LBHD2: variants seen among roughly 807,000 people sequenced by gnomAD.
LBHD2 encodes the protein LBH domain-containing protein 2.
At chr14:103,085,208 G>A (rs1386410999) in intron 1 of LBHD2, among the ~76,000 whole-genome samples, 1 of 152,038 alleles carries the variant, frequency 6.6e-6, no homozygotes, top group African/African-American at 2.4e-5. Flanking sequence ...CCACTGCCTT[G>A]TCCCCTTCCT....
At chr14:103,089,206 G>A (rs1465920162) in intron 3 of LBHD2, among the ~76,000 whole-genome samples, 3 of 152,094 alleles carry the variant, frequency 2.0e-5, no homozygotes, top group Admixed American at 6.5e-5. Context: ...TCCCTGAGGA[G>A]GAAGTGAATT....
In LBHD2 at chr14:103,088,150, G is replaced by A; in HGVS notation, c.135G>A (p.Glu45=). 1 of 398,706 alleles carries A rather than the reference G, an allele frequency of 2.5e-6. No individual in the cohort carries two copies. The highest frequency in any genetic ancestry group is 4.4e-6 in the Non-Finnish European group (1 of 226,120). 24.7% of individuals were successfully genotyped at this position (398,706 alleles called of 1,614,324 possible). ...LGQRLPSIVV[E]PSEADPVESG... is the part of the protein sequence containing the mutation. ...AGCGGCTGCCCTCAATCGTGGTGGA[G>A]CCCAGCGAGGCGGACCCTGTGGAAA... The change falls in exon 3 of 4, where the codon GAG becomes GAA. Residue 45 remains glutamate, a synonymous_variant. Transcript: ENST00000634353.
chr14:103,088,596 C>T (rs1032203809), intron 3 of LBHD2, among the ~76,000 whole-genome samples: 1 of 152,230 alleles, frequency 6.6e-6, no homozygotes, highest in East Asian at 1.9e-4. Context: ...GCAAGTGTGC[C>T]TTGCTCACTA....
intron 2 of LBHD2, among the ~76,000 whole-genome samples, chr14:103,087,307 TG>T (rs1336947098): frequency 6.6e-6 from 1 of 152,214 alleles, no homozygotes; most frequent in Non-Finnish European, 1.5e-5. Flanking sequence ...CCCTGCTGCG[TG>T]GCTGTCCTTC....
Position 103,086,366 on chromosome 14 carries a change from T to C in LBHD2, c.69+285T>C, listed in dbSNP as rs1457925559. 2.0e-5 allele frequency among the ~76,000 whole-genome samples: 3 copies of C among 152,296 alleles called. No individual in the cohort carries two copies. The East Asian group carries it at 5.8e-4, about 29-fold the overall frequency. The stretch of plus-strand genomic sequence containing the variant: ...AGCTGGGATTACAGGTGCCCACCAC[T>C]ATGCCCAGTTAATTTTTGTATTTTT... On this transcript the variant is annotated intron_variant, in intron 2 of 3. Coordinates refer to ENST00000634353, the MANE Select transcript of LBHD2 (RefSeq NM_001330236.2).
intron 2 of LBHD2, among the ~76,000 whole-genome samples, chr14:103,086,628 C>G (rs1338746243): frequency 6.6e-5 from 10 of 152,152 alleles, no homozygotes; most frequent in Non-Finnish European, 8.8e-5. Flanking sequence ...GCACGCTTTG[C>G]TCTCTGCTGA....
chr14:103,087,765 C>T (rs1173959534), intron 2 of LBHD2, among the ~76,000 whole-genome samples: 1 of 152,188 alleles, frequency 6.6e-6, no homozygotes, highest in Non-Finnish European at 1.5e-5. Context: ...GGGCTCATTC[C>T]TGGTGACCTT....
rs530847900 is a variant in LBHD2, at chr14:103,086,744, G to T, written c.69+663G>T. 2.0e-5 allele frequency among the ~76,000 whole-genome samples: 3 copies of T among 152,116 alleles called. No individual in the cohort carries two copies. The East Asian group carries it at 5.8e-4, about 29-fold the overall frequency. On this transcript the variant is annotated intron_variant, in intron 2 of 3. Transcript: ENST00000634353. The stretch of plus-strand genomic sequence containing the variant: ...AAAAACAAGCTCCCTACACAGGGTC[G>T]CAGCCTTAGTATTCTGAGTGCTAGA...
chr14:103,088,985 C>T (rs1348894398), intron 3 of LBHD2, among the ~76,000 whole-genome samples: 1 of 152,210 alleles, frequency 6.6e-6, no homozygotes, highest in Admixed American at 6.5e-5. Context: ...TAGAGTGAGA[C>T]TCCATCTCAA....
chr14:103,084,350 G>A lies in LBHD2; in HGVS notation c.-38+3G>A, dbSNP rs1307960905. On this transcript the variant is annotated splice_donor_region_variant and intron_variant, in intron 1 of 3. Transcript: ENST00000634353. ...CCCGGGAGCGCCCTGACGGCTAGGT[G>A]CGGGGTGGTTGGGAGCGGGAGGAGC... is the stretch of plus-strand genomic sequence containing the variant. The A allele has an allele frequency of 6.6e-6, 1 of 152,252 alleles. No homozygotes were observed. The highest frequency in any genetic ancestry group is 2.4e-5 in the African/African-American group (1 of 41,438). 9.4% of individuals were successfully genotyped at this position (152,252 alleles called of 1,614,324 possible).
chr14:103,086,784 C>G (rs1178037411), intron 2 of LBHD2, among the ~76,000 whole-genome samples: 2 of 152,232 alleles, frequency 1.3e-5, no homozygotes, highest in East Asian at 3.9e-4. Flanking sequence ...AGCTAGAGCC[C>G]AGCCATTCTC....
At position 103,088,246 on chromosome 14, in the gene LBHD2, G is replaced by A; in HGVS notation, c.226+5G>A. 6 of 398,958 alleles carry A rather than the reference G, an allele frequency of 1.5e-5. No individual in the cohort carries two copies. Among genetic ancestry groups the A allele is most frequent in the Non-Finnish European group, 2.2e-5 (5 of 226,346 alleles). The allele number at this position is 398,958 out of a possible 1,614,324, so 24.7% of individuals were successfully genotyped here. On this transcript the variant is annotated splice_donor_5th_base_variant and intron_variant, in intron 3 of 3. Coordinates refer to ENST00000634353, the MANE Select transcript of LBHD2 (RefSeq NM_001330236.2). ...CTCAGAGCCGGGCTGCTGCTGGTAAGTGAGGGTGCCTGTGGGGGTGCTGAG... is the reference window on the plus strand; with the variant it reads ...CTCAGAGCCGGGCTGCTGCTGGTAAATGAGGGTGCCTGTGGGGGTGCTGAG...
At chr14:103,084,764 C>T (rs998526842) in intron 1 of LBHD2, among the ~76,000 whole-genome samples, 1 of 152,170 alleles carries the variant, frequency 6.6e-6, no homozygotes, top group Non-Finnish European at 1.5e-5. Flanking sequence ...AGTCACCTCT[C>T]GCCTGGTCTC....
chr14:103,085,038 TG>T (rs1370356785), intron 1 of LBHD2, among the ~76,000 whole-genome samples: 1 of 152,194 alleles, frequency 6.6e-6, no homozygotes, highest in Non-Finnish European at 1.5e-5. Flanking sequence ...TAGCCCTCCC[TG>T]GGCCTCAGTG....
intron 1 of LBHD2, among the ~76,000 whole-genome samples, chr14:103,084,715 GTCTCTC>G (rs369355777): frequency 4.7e-5 from 7 of 149,984 alleles, no homozygotes; most frequent in East Asian, 2.0e-4. Flanking sequence ...GTCTGTTTCT[GTCTCTC>G]TCTCTCTCTC....
chr14:103,086,655 G>T (rs1889638585), intron 2 of LBHD2, among the ~76,000 whole-genome samples: 1 of 152,094 alleles, frequency 6.6e-6, no homozygotes. Flanking sequence ...AAATGCCAGG[G>T]TTCCCTGCCC....
At chr14:103,086,618 G>C (rs1889637718) in intron 2 of LBHD2, among the ~76,000 whole-genome samples, 1 of 152,152 alleles carries the variant, frequency 6.6e-6, no homozygotes, top group Non-Finnish European at 1.5e-5. Flanking sequence ...TGTCCCCAAG[G>C]CACGCTTTGC....
At chr14:103,086,599 C>T (rs993046941) in intron 2 of LBHD2, among the ~76,000 whole-genome samples, 4 of 152,142 alleles carry the variant, frequency 2.6e-5, no homozygotes, top group African/African-American at 9.7e-5. Context: ...ACCTGAGGAC[C>T]CCAGGGATTG....
intron 1 of LBHD2, 57 bp from the exon 2 acceptor site, chr14:103,085,919 C>T (rs569053574): frequency 8.2e-4 from 327 of 397,878 alleles, no homozygotes; most frequent in Non-Finnish European, 1.1e-3. Context: ...CTGAAGCCTT[C>T]GGGGGAGTGT....
Sources: allele counts gnomAD v4.1 joint callset (sites outside exome capture counted in the v4.1 genomes callset), GRCh38; gene constraint gnomAD v4.1.1; transcripts MANE v1.5; gene names NCBI Gene and HGNC (gene_info 2026-07-23, HGNC 2026-07-21).